IL3RA: variants seen among roughly 807,000 people sequenced by gnomAD.
IL3RA encodes the protein interleukin 3 receptor subunit alpha.
Under a neutral mutation model 52.3 loss-of-function variants are expected in IL3RA, and 73 were observed. The observed-to-expected ratio is 1.40, with a 90% CI of 1.16 to 1.70. IL3RA has a LOEUF of 1.70. Among genes scored for constraint, IL3RA ranks in the 40% most tolerant of loss-of-function variants. The pLI is 0.00. For synonymous variants in IL3RA, 260 were observed against 194.0 expected, an observed-to-expected ratio of 1.34 and a Z score of -2.83; for missense variants, 664 against 504.4, an observed-to-expected ratio of 1.32 and a Z score of -3.03.
chrX:1,382,661 G>A lies in IL3RA; in HGVS notation c.*196G>A, dbSNP rs2089234904. On this transcript the variant is annotated 3_prime_UTR_variant, in exon 12 of 12. Coordinates refer to ENST00000331035, the MANE Select transcript of IL3RA (RefSeq NM_002183.4). ...ACAGAACTTTGTGTGTTTATTTCAT[G>A]ATAAAGTGATTTTTTTTTTTTTAAC... The A allele has an allele frequency of 1.9e-5, 11 of 584,036 alleles. No homozygotes were observed. The highest frequency in any genetic ancestry group is 1.7e-4 in the South Asian group (8 of 48,286). 36.2% of individuals were successfully genotyped at this position (584,036 alleles called of 1,614,324 possible). A position where few individuals can be genotyped will look rare whatever the true frequency, so the allele number is the denominator to read the frequency against.
chrX:1,378,542 G>T, intron 9 of IL3RA, 117 bp from the exon 10 acceptor site: 2 of 852,466 alleles, frequency 2.3e-6, no homozygotes, highest in Admixed American at 2.2e-5. Context: ...TCCCCCCCTG[G>T]ACGCCACCCC....
At chrX:1,352,035 G>T in intron 4 of IL3RA, 65 bp from the exon 5 acceptor site, 2 of 1,578,250 alleles carry the variant, frequency 1.3e-6, no homozygotes. Flanking sequence ...AAAATGCTGG[G>T]GTGACAGGCG....
At chrX:1,359,317 G>A (rs1468041670) in intron 8 of IL3RA, among the ~76,000 whole-genome samples, 2 of 151,916 alleles carry the variant, frequency 1.3e-5, no homozygotes, top group African/African-American at 4.8e-5. Context: ...CAGACAGGTG[G>A]CCCAGACCTC....
At chrX:1,348,024 G>C (rs544352299) in intron 3 of IL3RA, among the ~76,000 whole-genome samples, 3 of 106,972 alleles carry the variant, frequency 2.8e-5, no homozygotes, top group African/African-American at 1.1e-4. Context: ...GCGACAGAGC[G>C]AGACTCCCTC....
chrX:1,382,407 GC>G lies in IL3RA; in HGVS notation c.1080del (p.Ala362ProfsTer8). The G allele has an allele frequency of 6.2e-7, 1 of 1,613,812 alleles. No homozygotes were observed. The highest frequency in any genetic ancestry group is 8.5e-7 in the Non-Finnish European group (1 of 1,179,758). On this transcript the variant is annotated frameshift_variant, in exon 12 of 12. Transcript: ENST00000331035. LOFTEE classifies it high-confidence loss of function. The stretch of plus-strand genomic sequence containing the variant: ...TCTCTGCAGGTGGTCTGGGAGGCGG[GC>G]AAAGCCGGCCTGGAGGAGTGTCTGG... ...QNDKLVVWEA[G>X]KAGLEECLVT...
At chrX:1,343,666 CAAA>C (rs760518972) in intron 2 of IL3RA, among the ~76,000 whole-genome samples, 8 of 68,650 alleles carry the variant, frequency 1.2e-4, no homozygotes, top group Non-Finnish European at 2.2e-4. Flanking sequence ...GGCTCCATCT[CAAA>C]AAAAAAAAAA....
At position 1,363,440 on chromosome X, in the gene IL3RA, T is replaced by A. The variant is rs1457523035; in HGVS notation, c.760-1698T>A. On this transcript the variant is annotated intron_variant, in intron 8 of 11. Transcript: ENST00000331035. ...CTCAGCCTCCTGAGTAGCTGGGACC[T>A]CAGGCGCCCGCCACCGGGCCCGGCT... 1.3e-4 allele frequency among the ~76,000 whole-genome samples: 20 copies of A among 150,788 alleles called. No homozygotes were observed. In the East Asian group the frequency reaches 1.4e-3, roughly 11 times the overall value.
intron 4 of IL3RA, among the ~76,000 whole-genome samples, 164 bp downstream of exon 4, chrX:1,348,709 T>C (rs1410970481): frequency 1.0e-5 from 1 of 95,778 alleles, no homozygotes; most frequent in East Asian, 2.1e-4. Context: ...TCTTTCTGTT[T>C]CTGTTTCTTT....
intron 11 of IL3RA, 39 bp downstream of exon 11, chrX:1,381,143 G>C (rs371474674): frequency 2.5e-6 from 4 of 1,592,808 alleles, no homozygotes; most frequent in Non-Finnish European, 3.4e-6. Flanking sequence ...GTCTGGAGGC[G>C]TGGTGGCCAC....
At position 1,346,592 on chromosome X, in the gene IL3RA, G is replaced by A. The variant is rs1330193058; in HGVS notation, c.183+1158G>A. Among the ~76,000 whole-genome samples, 43 of 151,942 alleles carry A rather than the reference G, an allele frequency of 2.8e-4. 1 individual carries two copies. The highest frequency in any genetic ancestry group is 6.2e-4 in the Non-Finnish European group (42 of 68,042). ...ACTGCACTCCAGCCTGGGTGACAGA[G>A]TGAGACTCCATCTCAAAACAAAAAC... On this transcript the variant is annotated intron_variant, in intron 3 of 11. Coordinates refer to ENST00000331035, the MANE Select transcript of IL3RA (RefSeq NM_002183.4).
intron 6 of IL3RA, among the ~76,000 whole-genome samples, chrX:1,355,600 C>T (rs1242009788): frequency 3.1e-5 from 4 of 127,366 alleles, no homozygotes; most frequent in Non-Finnish European, 4.9e-5. Context: ...CTGGGGTTCC[C>T]GGGAAGTGGA....
chrX:1,379,690 T>G, intron 10 of IL3RA, among the ~76,000 whole-genome samples: 1 of 152,314 alleles, frequency 6.6e-6, no homozygotes, highest in East Asian at 1.9e-4. Context: ...AGCTGTCCAC[T>G]TGGATGGGCC....
intron 7 of IL3RA, among the ~76,000 whole-genome samples, chrX:1,358,520 G>C (rs1268256115): frequency 6.6e-6 from 1 of 152,152 alleles, no homozygotes; most frequent in Non-Finnish European, 1.5e-5. Flanking sequence ...TTAGCCAGGC[G>C]TGGTGGCACG....
At chrX:1,361,385 G>C (rs766491698) in intron 8 of IL3RA, among the ~76,000 whole-genome samples, 32 of 152,216 alleles carry the variant, frequency 2.1e-4, no homozygotes, top group African/African-American at 6.5e-4. Context: ...CCATGTGGCT[G>C]GGGAGGCCTC....
intron 9 of IL3RA, among the ~76,000 whole-genome samples, chrX:1,368,216 GCCACTGTGCT>G (rs2088324644): frequency 6.6e-6 from 1 of 151,716 alleles, no homozygotes; most frequent in African/African-American, 2.4e-5. Flanking sequence ...CCGAGATCGC[GCCACTGTGCT>G]CCATCCAGCC....
At chrX:1,352,739 G>C (rs1317417049) in intron 6 of IL3RA, among the ~76,000 whole-genome samples, 1 of 152,168 alleles carries the variant, frequency 6.6e-6, no homozygotes. Context: ...TGTAGAGAGA[G>C]AGAGAGATGA....
intron 6 of IL3RA, among the ~76,000 whole-genome samples, chrX:1,353,290 G>T (rs2086250240): frequency 6.8e-6 from 1 of 147,538 alleles, no homozygotes; most frequent in South Asian, 2.1e-4. Flanking sequence ...ATGGGTCATG[G>T]GACCCCCTAT....
At chrX:1,339,322 G>C (rs1298771396) in intron 1 of IL3RA, among the ~76,000 whole-genome samples, 1 of 152,102 alleles carries the variant, frequency 6.6e-6, no homozygotes, top group African/African-American at 2.4e-5. Flanking sequence ...GGTGGGCTGC[G>C]GTCCCTCTGC....
chrX:1,381,246 A>C (rs1419879817), intron 11 of IL3RA, 142 bp downstream of exon 11: 4 of 753,052 alleles, frequency 5.3e-6, no homozygotes, highest in African/African-American at 1.7e-5. Context: ...TAAAAATACA[A>C]AATTAGCCGG....
Sources: allele counts gnomAD v4.1 joint callset (sites outside exome capture counted in the v4.1 genomes callset), GRCh38; gene constraint gnomAD v4.1.1; transcripts MANE v1.5; gene names NCBI Gene and HGNC (gene_info 2026-07-23, HGNC 2026-07-21).